The following IKZF2 variants were observed in gnomAD, a reference collection of about 807,000 sequenced individuals.
IKZF2 encodes the protein zinc finger protein Helios.
In IKZF2, 15 loss-of-function variants were observed where a neutral mutation model predicts 49.2. The observed-to-expected ratio is 0.30, with a 90% CI of 0.20 to 0.47. IKZF2 has a LOEUF of 0.47. Among genes scored for constraint, IKZF2 ranks in the 20% least tolerant of loss-of-function variants. The pLI is 1.00. For synonymous variants in IKZF2, 227 were observed against 221.4 expected, an observed-to-expected ratio of 1.03 and a Z score of -0.23; for missense variants, 567 against 664.6, an observed-to-expected ratio of 0.85 and a Z score of 1.61.
In IKZF2 at chr2:213,057,046, G is replaced by C. The variant is rs142802181; in HGVS notation, c.193C>G (p.Leu65Val). 11 of 1,613,566 alleles carry C rather than the reference G, an allele frequency of 6.8e-6. No homozygotes were observed. The Admixed American group carries it at 1.2e-4, about 17-fold the overall frequency. ...CCCCTGATCTCATCTTCACGGCTCA[G>C]GGGTTTCCTGTCACACTCTTCATCA... is the stretch of plus-strand genomic sequence containing the variant. ...QSDEECDRKP[L>V]SREDEIRGHD... The change falls in exon 5 of 9, where the codon CTG becomes GTG. Residue 65 changes from leucine to valine, a missense_variant. Coordinates refer to ENST00000434687, the MANE Select transcript of IKZF2 (RefSeq NM_001387220.1).
chr2:213,150,904 G>T (rs866889644), intron 1 of IKZF2, among the ~76,000 whole-genome samples: 139 of 139,118 alleles, frequency 1.0e-3, no homozygotes, highest in African/African-American at 2.9e-3. Context: ...AGGGTTTTTG[G>T]TTTTTTTTTT....
rs1029917784 is a variant in IKZF2, at chr2:213,049,299, C to T, written c.574+414G>A. The stretch of plus-strand genomic sequence containing the variant: ...AAACAATTTTATTTTCCACAGAGAT[C>T]CCAGCCTGAGCACTGTATCAGTCAA... On this transcript the variant is annotated intron_variant, in intron 6 of 8. Transcript: ENST00000434687. Among the ~76,000 whole-genome samples the T allele has an allele frequency of 2.6e-5, 4 of 152,086 alleles. No individual in the cohort carries two copies. The South Asian group carries it at 8.3e-4, about 32-fold the overall frequency.
chr2:213,080,289 G>A (rs1703803897), intron 4 of IKZF2, among the ~76,000 whole-genome samples: 1 of 152,140 alleles, frequency 6.6e-6, no homozygotes. Context: ...TACAAATACT[G>A]TGTCAGTGAA....
At chr2:213,132,240 T>TGGC in intron 4 of IKZF2, among the ~76,000 whole-genome samples, 1 of 151,978 alleles carries the variant, frequency 6.6e-6, no homozygotes, top group Non-Finnish European at 1.5e-5. Context: ...CTCAAGGAGT[T>TGGC]TCCAGTCACA....
chr2:213,127,537 A>T (rs1387862438), intron 4 of IKZF2, among the ~76,000 whole-genome samples: 2 of 152,176 alleles, frequency 1.3e-5, no homozygotes, highest in African/African-American at 4.8e-5. Context: ...GTGATACGGT[A>T]TTGATCAATT....
At chr2:213,106,364 C>A (rs2059527780) in intron 4 of IKZF2, among the ~76,000 whole-genome samples, 1 of 151,312 alleles carries the variant, frequency 6.6e-6, no homozygotes, top group Admixed American at 6.6e-5. Flanking sequence ...AATGGCTAGG[C>A]ACAATGGTTC....
chr2:213,064,435 C>T (rs200795084), intron 4 of IKZF2, among the ~76,000 whole-genome samples: 7 of 151,908 alleles, frequency 4.6e-5, no homozygotes, highest in South Asian at 2.1e-4. Flanking sequence ...AAAATGTAAA[C>T]GAATGGAGGG....
At chr2:213,008,380 C>T (rs866778919) in intron 8 of IKZF2, among the ~76,000 whole-genome samples, 5 of 151,506 alleles carry the variant, frequency 3.3e-5, no homozygotes, top group South Asian at 2.1e-4. Flanking sequence ...TACAGGCATG[C>T]GCCCCCATAC....
intron 6 of IKZF2, among the ~76,000 whole-genome samples, chr2:213,027,549 C>A (rs987874838): frequency 2.0e-5 from 3 of 152,066 alleles, no homozygotes; most frequent in Admixed American, 6.6e-5. Context: ...ATTGGCACCC[C>A]TTTCTCCAGT....
At chr2:213,143,871 CAGTATTGGACACGGCAGACACCCTG>C (rs1317140223) in intron 4 of IKZF2, among the ~76,000 whole-genome samples, 1 of 151,770 alleles carries the variant, frequency 6.6e-6, no homozygotes, top group Non-Finnish European at 1.5e-5. Context: ...AAATATGGGC[CAGTATTGGACACGGCAGACACCCTG>C]AGAAGGTGAC....
At chr2:213,071,041 G>A (rs766497325) in intron 4 of IKZF2, among the ~76,000 whole-genome samples, 2 of 152,080 alleles carry the variant, frequency 1.3e-5, no homozygotes, top group Non-Finnish European at 2.9e-5. Flanking sequence ...ATAAGTATTA[G>A]TTTCATTTTA....
At chr2:213,107,820 G>A (rs558418488) in intron 4 of IKZF2, among the ~76,000 whole-genome samples, 3 of 152,100 alleles carry the variant, frequency 2.0e-5, no homozygotes, top group East Asian at 1.9e-4. Flanking sequence ...ACTGGAACAC[G>A]ACAGAACACA....
At chr2:213,041,340 G>A (rs13411519) in intron 6 of IKZF2, among the ~76,000 whole-genome samples, 1 of 94,964 alleles carries the variant, frequency 1.1e-5, no homozygotes, top group Non-Finnish European at 2.9e-5. Context: ...ATCTTTTTTT[G>A]GGGGGGGTGG....
chr2:213,017,731 C>T (rs72946459), intron 7 of IKZF2, among the ~76,000 whole-genome samples: 127 of 152,210 alleles, frequency 8.3e-4, no homozygotes, highest in Non-Finnish European at 1.4e-3. Context: ...AGCTCAATCC[C>T]GGGAAATTCC....
At chr2:213,024,589 T>C (rs1376574030) in intron 6 of IKZF2, among the ~76,000 whole-genome samples, 1 of 152,096 alleles carries the variant, frequency 6.6e-6, no homozygotes, top group Non-Finnish European at 1.5e-5. Context: ...AGGTGACAAC[T>C]GAAGAAAAAG....
At chr2:213,121,317 A>T (rs1157719190) in intron 4 of IKZF2, among the ~76,000 whole-genome samples, 1 of 152,238 alleles carries the variant, frequency 6.6e-6, no homozygotes, top group Non-Finnish European at 1.5e-5. Flanking sequence ...GAGAAATATA[A>T]GGTCAACCAG....
At chr2:213,009,175 T>G (rs1219067772) in intron 8 of IKZF2, among the ~76,000 whole-genome samples, 1 of 152,142 alleles carries the variant, frequency 6.6e-6, no homozygotes, top group Non-Finnish European at 1.5e-5. Context: ...GAAGCATGTT[T>G]GCAGTTTTTC....
At chr2:213,026,278 A>G (rs1176134691) in intron 6 of IKZF2, among the ~76,000 whole-genome samples, 2 of 152,082 alleles carry the variant, frequency 1.3e-5, no homozygotes, top group Non-Finnish European at 1.5e-5. Flanking sequence ...GTTCCATTTT[A>G]ACGTGATCTT....
intron 4 of IKZF2, among the ~76,000 whole-genome samples, chr2:213,130,419 A>G (rs1183612936): frequency 2.0e-5 from 3 of 152,180 alleles, no homozygotes; most frequent in Non-Finnish European, 2.9e-5. Flanking sequence ...GATCCTGAGA[A>G]CACAGTAAGA....
Sources: gnomAD v4.1 joint callset for allele counts (sites outside exome capture counted in the v4.1 genomes callset) on GRCh38, gnomAD v4.1.1 for gene constraint, MANE v1.5 for transcripts, NCBI Gene and HGNC (gene_info 2026-07-23, HGNC 2026-07-21) for gene names.